Variants in KAT7 observed in about 807,000 individuals in gnomAD.
KAT7 encodes the protein histone acetyltransferase KAT7.
KAT7 carries 10 observed loss-of-function variants against 82.1 expected under a neutral mutation model. The observed-to-expected ratio is 0.12, with a 90% confidence interval of 0.08 to 0.21. The LOEUF (loss-of-function observed/expected upper bound fraction) is 0.21, where lower values mean the gene tolerates loss of function less well. Ranked by LOEUF, KAT7 falls within the 10% of genes least tolerant of loss-of-function variation. KAT7 has a pLI of 1.00. For missense variants in KAT7, 378 were observed against 760.9 expected (o/e 0.50, Z 5.92); for synonymous variants, 250 against 262.5 (o/e 0.95, Z 0.46).
intron 2 of KAT7, among the ~76,000 whole-genome samples, chr17:49,793,659 C>A (rs1004983392): frequency 6.6e-6 from 1 of 151,066 alleles, no homozygotes; most frequent in Non-Finnish European, 1.5e-5. Flanking sequence ...CTGCAACTTC[C>A]GCCTCCTGGG....
At chr17:49,796,645 T>G in intron 2 of KAT7, 105 bp from the exon 3 acceptor site, 1 of 826,280 alleles carries the variant, frequency 1.2e-6, no homozygotes, top group Non-Finnish European at 1.8e-6. Flanking sequence ...TTGGATTTTG[T>G]GAAATATGAA....
At chr17:49,795,034 G>C (rs1470694303) in intron 2 of KAT7, among the ~76,000 whole-genome samples, 4 of 150,392 alleles carry the variant, frequency 2.7e-5, no homozygotes, top group African/African-American at 9.8e-5. Context: ...AATATACGTT[G>C]GGGGGTGCAG....
In KAT7 at chr17:49,827,846, C is replaced by T. The variant is rs1287324647; in HGVS notation, c.*344C>T. ...GCCCCATGAGGTTGTGTTGTGTCTT[C>T]TAAGCGTGGTACTAGTGCTTGCCAC... On this transcript the variant is annotated 3_prime_UTR_variant, in exon 15 of 15. Coordinates refer to ENST00000259021, the MANE Select transcript of KAT7 (RefSeq NM_007067.5). 3 of 226,690 alleles carry T rather than the reference C, an allele frequency of 1.3e-5. No homozygotes were observed. Among genetic ancestry groups the T allele is most frequent in the Non-Finnish European group, 1.7e-5 (2 of 115,702 alleles). The allele number at this position is 226,690 out of a possible 1,614,324, so 14.0% of individuals were successfully genotyped here.
At chr17:49,820,310 CAG>C (rs1374244040) in intron 9 of KAT7, among the ~76,000 whole-genome samples, 1 of 149,420 alleles carries the variant, frequency 6.7e-6, no homozygotes, top group Non-Finnish European at 1.5e-5. Flanking sequence ...TTTTTTGAGA[CAG>C]AGTCTCGCTC....
chr17:49,831,148 T>C lies in KAT7; in HGVS notation c.*3646T>C, dbSNP rs2074422007. ...AATAGAAAAATCAGACGTGGGCACA[T>C]GCCTGTAGTCTCAGCTACTTGGGAG... On this transcript the variant is annotated 3_prime_UTR_variant, in exon 15 of 15. Coordinates refer to ENST00000259021, the MANE Select transcript of KAT7 (RefSeq NM_007067.5). The C allele has an allele frequency of 6.6e-6, 1 of 152,230 alleles. No homozygotes were observed. Among genetic ancestry groups the C allele is most frequent in the Admixed American group, 6.5e-5 (1 of 15,270 alleles). The allele number at this position is 152,230 out of a possible 1,614,324, so 9.4% of individuals were successfully genotyped here.
chr17:49,801,039 G>C (rs1483858104), intron 4 of KAT7, among the ~76,000 whole-genome samples: 1 of 152,134 alleles, frequency 6.6e-6, no homozygotes, highest in African/African-American at 2.4e-5. Context: ...AATATACCTG[G>C]GGCAGAATGA....
Position 49,788,706 on chromosome 17 carries a change from C to A in KAT7, c.-129C>A. 2 of 992,964 alleles carry A rather than the reference C, an allele frequency of 2.0e-6. No individual in the cohort carries two copies. The highest frequency in any genetic ancestry group is 2.9e-6 in the Non-Finnish European group (2 of 696,360). The allele number at this position is 992,964 out of a possible 1,614,324, so 61.5% of individuals were successfully genotyped here. A position where few individuals can be genotyped will look rare whatever the true frequency, so the allele number is the denominator to read the frequency against. On this transcript the variant is annotated 5_prime_UTR_variant, in exon 1 of 15. Coordinates refer to ENST00000259021, the MANE Select transcript of KAT7 (RefSeq NM_007067.5). Reference sequence around the variant, plus strand: ...GCAGAACGCTCCAGACGCTGAGAGGCAGGAGGCACTAGGGATCGTCCGCAG... The same window carrying A: ...GCAGAACGCTCCAGACGCTGAGAGGAAGGAGGCACTAGGGATCGTCCGCAG...
In KAT7 at chr17:49,821,241, A is replaced by G. The variant is rs556027736; in HGVS notation, c.1156-96A>G. 59 of 834,248 alleles carry G rather than the reference A, an allele frequency of 7.1e-5. No homozygotes were observed. In the East Asian group the frequency reaches 1.5e-3, roughly 22 times the overall value. 51.7% of individuals were successfully genotyped at this position (834,248 alleles called of 1,614,324 possible). On this transcript the variant is annotated intron_variant, in intron 9 of 14. Transcript: ENST00000259021. ...AGCTTGTCCAACTGTCCGGTAGCTC[A>G]GTTAACCACATTTGACCTGTCATTC...
intron 1 of KAT7, among the ~76,000 whole-genome samples, chr17:49,791,226 A>T (rs1159527168): frequency 6.6e-6 from 1 of 152,236 alleles, no homozygotes; most frequent in African/African-American, 2.4e-5. Flanking sequence ...ATAGCTTTTC[A>T]TGGAGACATT....
chr17:49,820,475 C>T (rs1422874333), intron 9 of KAT7, among the ~76,000 whole-genome samples: 2 of 152,076 alleles, frequency 1.3e-5, no homozygotes, highest in African/African-American at 2.4e-5. Context: ...GACGGGGTTT[C>T]ACCATGTTGG....
Position 49,788,794 on chromosome 17 carries a change from C to G in KAT7, c.-41C>G, listed in dbSNP as rs376069395. On this transcript the variant is annotated 5_prime_UTR_variant, in exon 1 of 15. Coordinates refer to ENST00000259021, the MANE Select transcript of KAT7 (RefSeq NM_007067.5). ...GGAGCCACCGTTCCTGCTGCTGCCG[C>G]CGCTGCCCGAATCGGAACCGTCGGG... is the stretch of plus-strand genomic sequence containing the variant. 1 of 1,570,590 alleles carries G rather than the reference C, an allele frequency of 6.4e-7. No individual in the cohort carries two copies. Among genetic ancestry groups the G allele is most frequent in the Non-Finnish European group, 8.6e-7 (1 of 1,158,124 alleles).
At chr17:49,796,322 A>G (rs1357097616) in intron 2 of KAT7, among the ~76,000 whole-genome samples, 1 of 152,266 alleles carries the variant, frequency 6.6e-6, no homozygotes, top group Non-Finnish European at 1.5e-5. Context: ...GATGCAGTTA[A>G]TATTTATAAA....
chr17:49,798,612 G>T, intron 4 of KAT7, 54 bp downstream of exon 4: 1 of 1,530,098 alleles, frequency 6.5e-7, no homozygotes, highest in Non-Finnish European at 8.8e-7. Context: ...TCTCTCCCAG[G>T]ATCATCCAGA....
At position 49,830,935 on chromosome 17, in the gene KAT7, C is replaced by A. The variant is rs2074420407; in HGVS notation, c.*3433C>A. 6.6e-6 allele frequency: 1 copy of A among 151,516 alleles called. No individual in the cohort carries two copies. Among genetic ancestry groups the A allele is most frequent in the South Asian group, 2.1e-4 (1 of 4,828 alleles). The allele number at this position is 151,516 out of a possible 1,614,324, so 9.4% of individuals were successfully genotyped here. A position where few individuals can be genotyped will look rare whatever the true frequency, so the allele number is the denominator to read the frequency against. On this transcript the variant is annotated 3_prime_UTR_variant, in exon 15 of 15. Transcript: ENST00000259021. ...AAAGGATTTTCTTTTTATATTTTTT[C>A]TTATTATTTTTTAATTATTAACCAA...
chr17:49,808,456 T>TC (rs1429685488), intron 5 of KAT7, among the ~76,000 whole-genome samples: 2 of 148,768 alleles, frequency 1.3e-5, no homozygotes, highest in African/African-American at 4.9e-5. Flanking sequence ...TTTCTTTCTT[T>TC]TTTTTTTTTT....
chr17:49,808,731 C>T (rs1306668780), intron 5 of KAT7, among the ~76,000 whole-genome samples: 3 of 152,286 alleles, frequency 2.0e-5, no homozygotes, highest in South Asian at 2.1e-4. Context: ...GGATTACAGG[C>T]GTGAGGCACC....
At chr17:49,795,825 CA>C (rs1454916184) in intron 2 of KAT7, among the ~76,000 whole-genome samples, 2 of 152,088 alleles carry the variant, frequency 1.3e-5, no homozygotes, top group East Asian at 3.9e-4. Flanking sequence ...AGAATAGTTG[CA>C]ATGTTTATAG....
rs1168913533 is a variant in KAT7 at position 49,811,272 on chromosome 17, AATTTTTGT to A, written c.754-197_754-190del. Reference sequence around the variant, plus strand: ...CAGGCGTGCACCACCATGCCTGGCTAATTTTTGTATTTTTAATAGAGATGAGGATTCAC... The same window carrying A: ...CAGGCGTGCACCACCATGCCTGGCTAATTTTTAATAGAGATGAGGATTCAC... On this transcript the variant is annotated intron_variant, in intron 6 of 14. Transcript: ENST00000259021. 2.6e-5 allele frequency among the ~76,000 whole-genome samples: 4 copies of A among 151,182 alleles called. No individual in the cohort carries two copies. In the East Asian group the frequency reaches 7.8e-4, roughly 29 times the overall value.
At chr17:49,823,042 G>C (rs1395086440) in intron 11 of KAT7, among the ~76,000 whole-genome samples, 160 bp from the exon 12 acceptor site, 4 of 152,308 alleles carry the variant, frequency 2.6e-5, no homozygotes, top group Non-Finnish European at 4.4e-5. Flanking sequence ...CTTTGGCCAT[G>C]ATAAAGGGTG....
Sources: gnomAD v4.1 joint callset for allele counts (sites outside exome capture counted in the v4.1 genomes callset) on GRCh38, gnomAD v4.1.1 for gene constraint, MANE v1.5 for transcripts, NCBI Gene and HGNC (gene_info 2026-07-23, HGNC 2026-07-21) for gene names.